Variants in LINGO1 observed in about 807,000 individuals in gnomAD.
The protein encoded by LINGO1 is leucine rich repeat and Ig domain containing 1.
Under a neutral mutation model 37.3 loss-of-function variants are expected in LINGO1, and 11 were observed. The observed-to-expected ratio is 0.29, with a 90% CI of 0.19 to 0.49. The LOEUF (loss-of-function observed/expected upper bound fraction) is 0.49, where lower values mean the gene tolerates loss of function less well. LINGO1 is among the 20% of genes least tolerant of loss of function. LINGO1 has a pLI of 0.99. For synonymous variants in LINGO1, 387 were observed against 403.0 expected, an observed-to-expected ratio of 0.96 and a Z score of 0.48; for missense variants, 585 against 878.2, an observed-to-expected ratio of 0.67 and a Z score of 4.22.
intron 1 of LINGO1, among the ~76,000 whole-genome samples, chr15:77,801,125 A>C (rs2141462736): frequency 6.6e-6 from 1 of 152,324 alleles, no homozygotes; most frequent in South Asian, 2.1e-4. Context: ...TAACATTTTA[A>C]CCCAAACACT....
At chr15:77,744,040 C>T (rs2076290192) in intron 1 of LINGO1, among the ~76,000 whole-genome samples, 1 of 152,210 alleles carries the variant, frequency 6.6e-6, no homozygotes. Flanking sequence ...AGGTCCTGCT[C>T]TTAAAGAGCC....
At chr15:77,682,341 A>T (rs1226789233) in intron 2 of LINGO1, among the ~76,000 whole-genome samples, 1 of 147,146 alleles carries the variant, frequency 6.8e-6, no homozygotes, top group Non-Finnish European at 1.5e-5. Flanking sequence ...AGTACTTGGT[A>T]GAGAATAGGC....
At chr15:77,756,884 A>T (rs1020801606) in intron 1 of LINGO1, among the ~76,000 whole-genome samples, 2 of 152,138 alleles carry the variant, frequency 1.3e-5, no homozygotes, top group Non-Finnish European at 2.9e-5. Context: ...ACCACCTCGC[A>T]CACAGACTCA....
chr15:77,804,584 C>T lies in LINGO1; in HGVS notation c.-457-8531G>A, dbSNP rs530930399. ...GGCCTCAGCTTCTCCATCTTACACCCGGGGCTAGACAAGGTGGTTCACGTG... is the reference window on the plus strand; with the variant it reads ...GGCCTCAGCTTCTCCATCTTACACCTGGGGCTAGACAAGGTGGTTCACGTG... On this transcript the variant is annotated intron_variant, in intron 1 of 5. Coordinates refer to the LINGO1 transcript ENST00000562933. 2.0e-5 allele frequency among the ~76,000 whole-genome samples: 3 copies of T among 152,302 alleles called. No homozygotes were observed. In the East Asian group the frequency reaches 5.8e-4, roughly 29 times the overall value.
intron 2 of LINGO1, among the ~76,000 whole-genome samples, chr15:77,682,314 A>G (rs1020459875): frequency 2.2e-4 from 21 of 95,242 alleles, no homozygotes; most frequent in African/African-American, 8.6e-4. Context: ...GTGTGTGTGT[A>G]GTGTCTCGTC....
At chr15:77,658,899 C>A (rs9652488) in intron 3 of LINGO1, among the ~76,000 whole-genome samples, 1 of 152,036 alleles carries the variant, frequency 6.6e-6, no homozygotes, top group African/African-American at 2.4e-5. Flanking sequence ...ACAAAGGGCC[C>A]GTGGGCCCTG....
intron 1 of LINGO1, among the ~76,000 whole-genome samples, chr15:77,818,811 G>A (rs930795220): frequency 6.6e-6 from 1 of 151,764 alleles, no homozygotes; most frequent in South Asian, 2.1e-4. Context: ...GCCTAGGTGG[G>A]TGTCCCAGAG....
chr15:77,634,407 G>C, upstream of LINGO1: 2 of 451,832 alleles, frequency 4.4e-6, no homozygotes, highest in South Asian at 1.6e-5. Flanking sequence ...GGCCTAGCTA[G>C]AGTCCCTCCT....
intron 1 of LINGO1, among the ~76,000 whole-genome samples, chr15:77,804,006 T>G (rs1195984076): frequency 1.3e-5 from 2 of 152,152 alleles, no homozygotes; most frequent in African/African-American, 2.4e-5. Context: ...GCCTGGGGGC[T>G]GGAACACCTA....
chr15:77,736,825 C>A (rs930959071), intron 1 of LINGO1, among the ~76,000 whole-genome samples: 8 of 152,114 alleles, frequency 5.3e-5, no homozygotes, highest in African/African-American at 1.9e-4. Context: ...GAAACGAAAA[C>A]TGAGGTGCAG....
At chr15:77,811,568 G>A (rs922126830) in intron 1 of LINGO1, among the ~76,000 whole-genome samples, 9 of 152,032 alleles carry the variant, frequency 5.9e-5, no homozygotes, top group African/African-American at 1.2e-4. Context: ...GCAGGGGTGG[G>A]TGGGGTGGCC....
chr15:77,725,033 G>C (rs1051103523), intron 2 of LINGO1, among the ~76,000 whole-genome samples: 1 of 152,246 alleles, frequency 6.6e-6, no homozygotes. Context: ...TGAAGGATCA[G>C]AGCAGAAGGA....
intron 1 of LINGO1, among the ~76,000 whole-genome samples, chr15:77,778,454 G>C (rs2076683083): frequency 6.6e-6 from 1 of 152,164 alleles, no homozygotes; most frequent in African/African-American, 2.4e-5. Flanking sequence ...CCGCATCCCA[G>C]ACAACTAACG....
At chr15:77,622,655 C>T (rs1233008686) in intron 1 of LINGO1, among the ~76,000 whole-genome samples, 1 of 152,174 alleles carries the variant, frequency 6.6e-6, no homozygotes, top group African/African-American at 2.4e-5. Context: ...AACGATAAAG[C>T]GTGTTAGCGG....
At chr15:77,789,691 C>T (rs2076803197), upstream of LINGO1, among the ~76,000 whole-genome samples, 1 of 152,192 alleles carries the variant, frequency 6.6e-6, no homozygotes, top group Non-Finnish European at 1.5e-5. Context: ...CACGGGGTAG[C>T]CATCTACAAG....
chr15:77,636,358 T>G (rs964170352), upstream of LINGO1, among the ~76,000 whole-genome samples: 4 of 152,210 alleles, frequency 2.6e-5, no homozygotes, highest in Admixed American at 6.5e-5. Context: ...CGATGATGAT[T>G]ATTTCTGAAG....
chr15:77,729,735 T>C (rs1435672494), intron 2 of LINGO1, among the ~76,000 whole-genome samples: 1 of 152,236 alleles, frequency 6.6e-6, no homozygotes, highest in Non-Finnish European at 1.5e-5. Flanking sequence ...GCTGTTTTGC[T>C]CCTGTGGACA....
At chr15:77,630,765 C>G (rs2074231465) in intron 1 of LINGO1, among the ~76,000 whole-genome samples, 1 of 152,200 alleles carries the variant, frequency 6.6e-6, no homozygotes, top group African/African-American at 2.4e-5. Context: ...CACAGGGTGC[C>G]TGTCCCTGCC....
intron 1 of LINGO1, among the ~76,000 whole-genome samples, chr15:77,757,229 A>G (rs2076429355): frequency 6.6e-6 from 1 of 152,210 alleles, no homozygotes; most frequent in Non-Finnish European, 1.5e-5. Context: ...TGAGACTTTG[A>G]TATCTTTGAG....
Sources: gnomAD v4.1 joint callset for allele counts (sites outside exome capture counted in the v4.1 genomes callset) on GRCh38, gnomAD v4.1.1 for gene constraint, MANE v1.5 for transcripts, NCBI Gene and HGNC (gene_info 2026-07-23, HGNC 2026-07-21) for gene names.